CFTR: variants seen among roughly 807,000 people sequenced by gnomAD.
The protein encoded by CFTR is cystic fibrosis transmembrane conductance regulator.
Under a neutral mutation model 171.6 loss-of-function variants are expected in CFTR, and 181 were observed. The ratio of observed to expected loss-of-function variants is 1.05; its 90% CI spans 0.93 to 1.19. The LOEUF is 1.19. Ranked by LOEUF, CFTR falls within the 50% of genes most tolerant of loss-of-function variation. CFTR has a pLI of 0.00. For missense variants in CFTR, 1,968 were observed against 1,734.7 expected (o/e 1.13, Z -2.39); for synonymous variants, 583 against 608.0 (o/e 0.96, Z 0.60).
chr7:117,653,859 T>G (rs1244895957), intron 24 of CFTR, among the ~76,000 whole-genome samples: 1 of 152,178 alleles, frequency 6.6e-6, no homozygotes, highest in African/African-American at 2.4e-5. Flanking sequence ...TTAGGCAGAT[T>G]GCTCTCCAAC....
chr7:117,659,989 A>G (rs1316296736), intron 24 of CFTR, among the ~76,000 whole-genome samples: 1 of 152,116 alleles, frequency 6.6e-6, no homozygotes, highest in African/African-American at 2.4e-5. Flanking sequence ...ATACAGCAAT[A>G]GCAAAAGTCA....
intron 17 of CFTR, 104 bp from the exon 18 acceptor site, chr7:117,606,570 G>C: frequency 1.4e-6 from 1 of 718,782 alleles, no homozygotes. Context: ...TTCTTATTTG[G>C]GTTCTGAATG....
At chr7:117,495,158 C>T (rs17545644) in intron 1 of CFTR, among the ~76,000 whole-genome samples, 9,279 of 152,154 alleles carry the variant, frequency 0.061, 361 homozygotes, top group Middle Eastern at 0.11. Context: ...TAAAGAGCTC[C>T]TAAATGTGAA....
At chr7:117,643,059 T>C (rs548328535) in intron 23 of CFTR, among the ~76,000 whole-genome samples, 13 of 152,290 alleles carry the variant, frequency 8.5e-5, no homozygotes, top group Admixed American at 3.3e-4. Context: ...CAGATTAGTC[T>C]GTAACTATTT....
intron 24 of CFTR, among the ~76,000 whole-genome samples, chr7:117,662,065 T>TA (rs1469971474): frequency 7.9e-5 from 12 of 151,852 alleles, no homozygotes. Context: ...TTAGGGAAAT[T>TA]TTAATTTTAT....
intron 1 of CFTR, among the ~76,000 whole-genome samples, chr7:117,501,746 TCAAAAAAAAAAAAAAAAAAAAAAAAGAAA>T (rs1202485335): frequency 4.2e-4 from 6 of 14,314 alleles, no homozygotes; most frequent in African/African-American, 6.8e-4. Context: ...AAACTCTGTC[TCAAAAAAAAAAAAAAAAAAAAAAAAGAAA>T]CAAAAAAAAA....
chr7:117,534,221 T>C (rs1173078301), intron 4 of CFTR, 55 bp from the exon 5 acceptor site: 8 of 802,002 alleles, frequency 1.0e-5, no homozygotes, highest in Non-Finnish European at 1.7e-5. Context: ...ATTTTACTTA[T>C]AATATATTTG....
At chr7:117,660,710 A>G (rs1793264789) in intron 24 of CFTR, among the ~76,000 whole-genome samples, 1 of 151,766 alleles carries the variant, frequency 6.6e-6, no homozygotes, top group South Asian at 2.1e-4. Context: ...ACATATATAT[A>G]TACATATATA....
At chr7:117,588,756 A>G (rs915090486) in intron 12 of CFTR, among the ~76,000 whole-genome samples, 1 of 152,140 alleles carries the variant, frequency 6.6e-6, no homozygotes, top group Admixed American at 6.6e-5. Flanking sequence ...AAGAGATCAT[A>G]AGATAATTGA....
chr7:117,514,305 C>T (rs1798566205), intron 3 of CFTR, among the ~76,000 whole-genome samples: 1 of 152,040 alleles, frequency 6.6e-6, no homozygotes, highest in African/African-American at 2.4e-5. Context: ...AAGTTCCCTC[C>T]CCTACTCCTT....
At chr7:117,612,056 T>TATATATATATATAC (rs1562915218) in intron 20 of CFTR, among the ~76,000 whole-genome samples, 2 of 126,850 alleles carry the variant, frequency 1.6e-5, no homozygotes, top group Admixed American at 8.0e-5. Flanking sequence ...TATATATACA[T>TATATATATATATAC]ATATATATAT....
intron 21 of CFTR, among the ~76,000 whole-genome samples, chr7:117,615,806 A>G (rs1489169258): frequency 6.6e-6 from 1 of 152,038 alleles, no homozygotes; most frequent in Non-Finnish European, 1.5e-5. Context: ...TTTTTCAATC[A>G]GACTATATGG....
chr7:117,526,267 G>A (rs1798778016), intron 3 of CFTR, among the ~76,000 whole-genome samples: 1 of 147,790 alleles, frequency 6.8e-6, no homozygotes, highest in Non-Finnish European at 1.5e-5. Flanking sequence ...TGACTACTGG[G>A]TACATAACGA....
intron 15 of CFTR, among the ~76,000 whole-genome samples, chr7:117,597,319 C>G (rs1792146857): frequency 6.6e-6 from 1 of 152,186 alleles, no homozygotes; most frequent in Admixed American, 6.5e-5. Flanking sequence ...AACTATAACA[C>G]TCACTGCAAG....
At chr7:117,543,917 C>T (rs1799097283) in intron 9 of CFTR, among the ~76,000 whole-genome samples, 2 of 152,170 alleles carry the variant, frequency 1.3e-5, no homozygotes, top group African/African-American at 4.8e-5. Flanking sequence ...TTAGTCATAT[C>T]CTGAGTTTTG....
At chr7:117,543,897 G>A (rs970936191) in intron 9 of CFTR, among the ~76,000 whole-genome samples, 5 of 152,130 alleles carry the variant, frequency 3.3e-5, no homozygotes, top group African/African-American at 1.2e-4. Flanking sequence ...TTCTTTAAAA[G>A]CTTTCTCTCT....
chr7:117,594,934 G>C lies in CFTR; in HGVS notation c.2495G>C (p.Cys832Ser). 1 of 1,612,836 alleles carries C rather than the reference G, an allele frequency of 6.2e-7. No individual in the cohort carries two copies. Among genetic ancestry groups the C allele is most frequent in the Non-Finnish European group, 8.5e-7 (1 of 1,179,214 alleles). ...EEINEEDLKE[C>S]FFDDMESIPA... Reference sequence around the variant, plus strand: ...AGCCATAATTCTTTTATTCAGGAGTGCTTTTTTGATGATATGGAGAGCATA... The same window carrying C: ...AGCCATAATTCTTTTATTCAGGAGTCCTTTTTTGATGATATGGAGAGCATA... Residue 832 changes from cysteine (C) to serine (S), a missense_variant, in exon 15 of 27, where the codon TGC becomes TCC. Transcript: ENST00000003084.
Position 117,532,157 on chromosome 7 carries a change from CAT to C in CFTR, c.489+1044_489+1045del, listed in dbSNP as rs750683968. Among the ~76,000 whole-genome samples, 210 of 151,728 alleles carry C rather than the reference CAT, an allele frequency of 1.4e-3. 1 individual carries two copies. The highest frequency in any genetic ancestry group is 3.4e-3 in the Middle Eastern group (1 of 290). ...CATCAGTTCACAAGTACCAGCAAAA[CAT>C]GTGATAAGTCAACAAATGTTTTATT... is the stretch of plus-strand genomic sequence containing the variant. On this transcript the variant is annotated intron_variant, in intron 4 of 26. Coordinates refer to ENST00000003084, the MANE Select transcript of CFTR (RefSeq NM_000492.4).
Position 117,611,592 on chromosome 7 carries a change from A to T in CFTR, c.3151A>T (p.Ile1051Phe), listed in dbSNP as rs374403559. ...GAAATATTTCACAGGCAGGAGTCCAATTTTCACTCATCTTGTTACAAGCTT... is the reference window on the plus strand; with the variant it reads ...GAAATATTTCACAGGCAGGAGTCCATTTTTCACTCATCTTGTTACAAGCTT... ...KQLESEGRSP[I>F]FTHLVTSLKG... The change falls in exon 20 of 27, where the codon ATT (isoleucine) becomes TTT (phenylalanine). Residue 1051 changes from isoleucine (I) to phenylalanine (F), a missense_variant. Transcript: ENST00000003084. 1.2e-6 allele frequency: 2 copies of T among 1,607,310 alleles called. No homozygotes were observed. The highest frequency in any genetic ancestry group is 1.7e-6 in the Non-Finnish European group (2 of 1,174,180).
Sources: gnomAD v4.1 joint callset for allele counts (sites outside exome capture counted in the v4.1 genomes callset) on GRCh38, gnomAD v4.1.1 for gene constraint, MANE v1.5 for transcripts, NCBI Gene and HGNC (gene_info 2026-07-23, HGNC 2026-07-21) for gene names.